Variants in CDH3 observed in about 807,000 individuals in gnomAD.
CDH3 encodes the protein cadherin 3.
Under a neutral mutation model 82.0 loss-of-function variants are expected in CDH3, and 54 were observed. The observed-to-expected ratio is 0.66, with a 90% CI of 0.53 to 0.83. CDH3 has a LOEUF of 0.83. Among genes scored for constraint, CDH3 ranks in the 40% least tolerant of loss-of-function variants. The probability of loss-of-function intolerance (pLI) is 0.00; values close to 1 mark genes in which losing one functional copy is unlikely to be tolerated. For missense variants in CDH3, 1,054 were observed against 1,084.6 expected, an observed-to-expected ratio of 0.97 and a Z score of 0.40; for synonymous variants, 446 against 437.9, an observed-to-expected ratio of 1.02 and a Z score of -0.23.
At chr16:68,645,542 G>A in intron 1 of CDH3, 94 bp from the exon 2 acceptor site, 1 of 1,451,910 alleles carries the variant, frequency 6.9e-7, no homozygotes, top group African/African-American at 1.4e-5. Flanking sequence ...GGCCAAGGGA[G>A]TCCCGGAAGG....
chr16:68,697,421 C>G (rs1488791665), intron 15 of CDH3, among the ~76,000 whole-genome samples: 1 of 152,078 alleles, frequency 6.6e-6, no homozygotes, highest in Non-Finnish European at 1.5e-5. Flanking sequence ...ATTATAGATC[C>G]CAGGTGATTG....
intron 1 of CDH3, among the ~76,000 whole-genome samples, chr16:68,720,593 G>T (rs1962150004): frequency 6.6e-6 from 1 of 150,558 alleles, no homozygotes; most frequent in African/African-American, 2.4e-5. Flanking sequence ...CAAGACAATA[G>T]TGTTTTAAAT....
intron 2 of CDH3, among the ~76,000 whole-genome samples, chr16:68,648,200 G>A (rs1488988164): frequency 1.3e-5 from 2 of 152,174 alleles, no homozygotes; most frequent in Non-Finnish European, 2.9e-5. Context: ...TAACGGATTG[G>A]ATTCACTAAG....
At chr16:68,686,251 A>G in intron 11 of CDH3, 1 of 608,806 alleles carries the variant, frequency 1.6e-6, no homozygotes, top group South Asian at 2.0e-5. Context: ...CCTCGGGGCG[A>G]GCGGCAAGGG....
intron 1 of CDH3, among the ~76,000 whole-genome samples, chr16:68,712,037 C>CTGTTT (rs756528913): frequency 1.4e-4 from 17 of 119,416 alleles, no homozygotes; most frequent in Non-Finnish European, 2.8e-4. Context: ...TTTTTGTTTT[C>CTGTTT]TTTTTTTTTT....
At chr16:68,676,309 TGTCA>T in intron 2 of CDH3, 72 bp from the exon 3 acceptor site, 2 of 1,011,674 alleles carry the variant, frequency 2.0e-6, no homozygotes, top group South Asian at 2.6e-5. Flanking sequence ...AGAGGACTCT[TGTCA>T]GTCTTGTTTT....
rs140374685 is a variant in CDH3, at chr16:68,647,698, A to G, written c.160+1948A>G. Among the ~76,000 whole-genome samples, 94 of 152,270 alleles carry G rather than the reference A, an allele frequency of 6.2e-4. 1 individual carries two copies. The East Asian group carries it at 0.017, about 28-fold the overall frequency. On this transcript the variant is annotated intron_variant, in intron 2 of 15. Transcript: ENST00000264012. ...TGCATTTCTTGGTCCAGTTGGTCCCAATAAATTGGGACTTCCCAACAAAAC... is the reference window on the plus strand; with the variant it reads ...TGCATTTCTTGGTCCAGTTGGTCCCGATAAATTGGGACTTCCCAACAAAAC...
At chr16:68,731,381 A>T (rs1383956049), downstream of CDH3, among the ~76,000 whole-genome samples, 3 of 10,004 alleles carry the variant, frequency 3.0e-4, no homozygotes, top group Non-Finnish European at 6.8e-4. Flanking sequence ...AAAAAAAAAA[A>T]AAAAAAAAAA....
At chr16:68,702,655 A>C (rs1961910935), downstream of CDH3, among the ~76,000 whole-genome samples, 1 of 152,162 alleles carries the variant, frequency 6.6e-6, no homozygotes, top group African/African-American at 2.4e-5. Flanking sequence ...ACCTGAGGTC[A>C]GGAGTTTGAG....
chr16:68,731,419 TACAC>T (rs1171049400), downstream of CDH3, among the ~76,000 whole-genome samples: 1,356 of 31,552 alleles, frequency 0.043, 405 homozygotes, highest in African/African-American at 0.059. Flanking sequence ...TATATACATA[TACAC>T]ATATATACAC....
rs372568135 is a variant in CDH3 at position 68,710,780 on chromosome 16, G to A, written c.100-11645G>A. On this transcript the variant is annotated intron_variant, in intron 1 of 2. Transcript: ENST00000569080. Reference sequence around the variant, plus strand: ...TAATCGTTTGAACCCAGGAGGCAGAGGTTGCAGTGAGCCGAGATTGAGTGA... The same window carrying A: ...TAATCGTTTGAACCCAGGAGGCAGAAGTTGCAGTGAGCCGAGATTGAGTGA... Among the ~76,000 whole-genome samples, 28 of 151,696 alleles carry A rather than the reference G, an allele frequency of 1.8e-4. No homozygotes were observed. In the East Asian group the frequency reaches 4.7e-3, roughly 25 times the overall value.
intron 1 of CDH3, among the ~76,000 whole-genome samples, chr16:68,706,144 G>C (rs1961960983): frequency 6.6e-6 from 1 of 151,554 alleles, no homozygotes; most frequent in African/African-American, 2.4e-5. Context: ...CATACCAAAT[G>C]TGTCAAGATC....
At chr16:68,657,234 C>A (rs544221715) in intron 2 of CDH3, among the ~76,000 whole-genome samples, 1 of 152,262 alleles carries the variant, frequency 6.6e-6, no homozygotes, top group Admixed American at 6.5e-5. Context: ...GCCAAACGGG[C>A]TCGGTGTGAT....
At chr16:68,728,188 C>T (rs4592651), downstream of CDH3, among the ~76,000 whole-genome samples, 121,825 of 151,350 alleles carry the variant, frequency 0.8, 49,771 homozygotes, top group Non-Finnish European at 0.89. Flanking sequence ...TTTTTTGAGA[C>T]GGAGTCTTGC....
intron 2 of CDH3, among the ~76,000 whole-genome samples, chr16:68,724,180 A>T (rs926788148): frequency 6.6e-6 from 1 of 152,246 alleles, no homozygotes; most frequent in African/African-American, 2.4e-5. Flanking sequence ...GGTTGCAGTG[A>T]GCCAAGACTG....
chr16:68,650,516 G>C (rs560287586), intron 2 of CDH3, among the ~76,000 whole-genome samples: 1 of 152,190 alleles, frequency 6.6e-6, no homozygotes, highest in Non-Finnish European at 1.5e-5. Flanking sequence ...GGTCAGGCTG[G>C]TGTCGAACTC....
chr16:68,655,684 C>T (rs560509224), intron 2 of CDH3, among the ~76,000 whole-genome samples: 1 of 151,780 alleles, frequency 6.6e-6, no homozygotes, highest in African/African-American at 2.4e-5. Context: ...TCTCTGCTAA[C>T]AACAACAACA....
chr16:68,652,110 C>G (rs764449785), intron 2 of CDH3, among the ~76,000 whole-genome samples: 13 of 152,246 alleles, frequency 8.5e-5, no homozygotes, highest in Non-Finnish European at 1.8e-4. Flanking sequence ...TGAGAGGTCA[C>G]TGGTGCAACA....
intron 9 of CDH3, among the ~76,000 whole-genome samples, chr16:68,684,201 G>A (rs944897056): frequency 1.3e-5 from 2 of 151,876 alleles, no homozygotes; most frequent in Non-Finnish European, 2.9e-5. Flanking sequence ...CACTGCACTT[G>A]AGCCTGGGTG....
Sources: allele counts gnomAD v4.1 joint callset (sites outside exome capture counted in the v4.1 genomes callset), GRCh38; gene constraint gnomAD v4.1.1; transcripts MANE v1.5; gene names NCBI Gene and HGNC (gene_info 2026-07-23, HGNC 2026-07-21).